Variants in ABCA10 observed in about 807,000 individuals in gnomAD.
ABCA10 encodes the protein ATP binding cassette subfamily A member 10, also known as ATP-binding cassette sub-family A member 10.
Under a neutral mutation model 187.5 loss-of-function variants are expected in ABCA10, and 169 were observed. The observed-to-expected ratio is 0.90, with a 90% CI of 0.80 to 1.02. ABCA10 has a LOEUF of 1.02. Ranked by LOEUF, ABCA10 falls within the 50% of genes least tolerant of loss-of-function variation. ABCA10 has a pLI of 0.00. For missense variants in ABCA10, 1,727 were observed against 1,812.4 expected, an observed-to-expected ratio of 0.95 and a Z score of 0.86; for synonymous variants, 574 against 601.8, an observed-to-expected ratio of 0.95 and a Z score of 0.68.
At chr17:69,223,607 T>A (rs2074768977) in intron 3 of ABCA10, 1 of 397,826 alleles carries the variant, frequency 2.5e-6, no homozygotes, top group African/African-American at 2.2e-5. Flanking sequence ...AAAAGCTGTT[T>A]ATTTTATGCT....
chr17:69,174,077 A>G (rs1180910130), intron 25 of ABCA10, among the ~76,000 whole-genome samples: 1 of 152,154 alleles, frequency 6.6e-6, no homozygotes, highest in Non-Finnish European at 1.5e-5. Context: ...AAGAAACCTC[A>G]AAGAACAAAT....
At chr17:69,172,599 T>C (rs1055201991) in intron 25 of ABCA10, among the ~76,000 whole-genome samples, 1 of 152,060 alleles carries the variant, frequency 6.6e-6, no homozygotes, top group Non-Finnish European at 1.5e-5. Flanking sequence ...TACTTTATTA[T>C]GGCAGCCCTA....
chr17:69,166,528 T>G (rs928562845), intron 25 of ABCA10, among the ~76,000 whole-genome samples: 5 of 152,202 alleles, frequency 3.3e-5, no homozygotes, highest in African/African-American at 1.2e-4. Context: ...TGAAATACTT[T>G]GAAATCTCAC....
At chr17:69,235,954 G>A (rs1029970126) in intron 1 of ABCA10, among the ~76,000 whole-genome samples, 1 of 152,112 alleles carries the variant, frequency 6.6e-6, no homozygotes, top group Non-Finnish European at 1.5e-5. Context: ...CTAGGCAAAA[G>A]AAAACTTCCA....
At chr17:69,194,082 CTTG>C (rs925534986) in intron 12 of ABCA10, 93 bp from the exon 13 acceptor site, 18 of 1,261,358 alleles carry the variant, frequency 1.4e-5, no homozygotes, top group Middle Eastern at 2.6e-4. Context: ...GTTCAAAAAA[CTTG>C]TTTTTATTAA....
chr17:69,213,790 T>C (rs1410488179), intron 9 of ABCA10, among the ~76,000 whole-genome samples: 1 of 152,160 alleles, frequency 6.6e-6, no homozygotes, highest in Admixed American at 6.5e-5. Flanking sequence ...CCCTTCCGAT[T>C]CTGCTCAGGA....
chr17:69,201,954 T>C (rs1487922787), intron 9 of ABCA10, among the ~76,000 whole-genome samples: 1 of 152,194 alleles, frequency 6.6e-6, no homozygotes, highest in Non-Finnish European at 1.5e-5. Context: ...GGCTAACTTT[T>C]GTATTTTTAT....
chr17:69,218,358 G>A (rs1426034550), intron 6 of ABCA10, among the ~76,000 whole-genome samples: 1 of 151,758 alleles, frequency 6.6e-6, no homozygotes, highest in Non-Finnish European at 1.5e-5. Flanking sequence ...TTTGATTTCT[G>A]GCTTTATTGT....
intron 11 of ABCA10, 134 bp from the exon 12 acceptor site, chr17:69,194,629 C>T (rs2074485364): frequency 1.7e-6 from 1 of 573,792 alleles, no homozygotes; most frequent in East Asian, 2.9e-5. Flanking sequence ...TAAAATTATA[C>T]ATTTAATTGT....
rs775340389 is a variant in ABCA10 at position 69,194,406 on chromosome 17, C to G, written c.1324G>C (p.Gly442Arg). The G allele has an allele frequency of 6.2e-7, 1 of 1,612,046 alleles. No individual in the cohort carries two copies. Among genetic ancestry groups the G allele is most frequent in the South Asian group, 1.1e-5 (1 of 90,956 alleles). The part of the protein sequence containing the change: ...GKSTLLNILS[G>R]LSVSTEGSAT... ...TCACCTTCTGTAGAAACAGACAATC[C>G]ACTAAGAATGTTTAGCAGTGTTGAT... Residue 442 changes from glycine to arginine, a missense_variant, in exon 12 of 39, where the codon GGA (glycine) becomes CGA (arginine). Transcript: ENST00000690296.
In ABCA10 at chr17:69,148,950, T is replaced by TA. The variant is rs781271701; in HGVS notation, c.4534-26dup. ...CCTAAGTAAGAGAAAATAAAAAAGA[T>TA]ACAAAAATGTCAGGGTGTGTCTGAA... On this transcript the variant is annotated intron_variant, in intron 38 of 38. Transcript: ENST00000690296. 11 of 1,612,508 alleles carry TA rather than the reference T, an allele frequency of 6.8e-6. No homozygotes were observed. The South Asian group carries it at 1.1e-4, about 16-fold the overall frequency.
chr17:69,160,337 G>A (rs895725930), intron 27 of ABCA10, among the ~76,000 whole-genome samples: 34 of 152,088 alleles, frequency 2.2e-4, no homozygotes, highest in African/African-American at 6.0e-4. Context: ...GGCCGGGCAC[G>A]GTGGCTCACG....
chr17:69,192,934 C>T (rs2074471922), intron 15 of ABCA10, among the ~76,000 whole-genome samples, 176 bp downstream of exon 15: 1 of 152,228 alleles, frequency 6.6e-6, no homozygotes, highest in African/African-American at 2.4e-5. Context: ...TGCCATGTAA[C>T]TTTGCAGGGT....
At chr17:69,220,607 A>G (rs2074740641) in intron 5 of ABCA10, among the ~76,000 whole-genome samples, 1 of 152,212 alleles carries the variant, frequency 6.6e-6, no homozygotes, top group Non-Finnish European at 1.5e-5. Context: ...TATAAGACTC[A>G]GTCACATTTA....
At chr17:69,153,590 G>A (rs1461436684) in intron 32 of ABCA10, 44 bp from the exon 33 acceptor site, 1 of 1,605,334 alleles carries the variant, frequency 6.2e-7, no homozygotes, top group African/African-American at 1.3e-5. Context: ...TATGGCAAAT[G>A]GACCTATCTA....
At chr17:69,180,522 C>T (rs896471217) in intron 22 of ABCA10, among the ~76,000 whole-genome samples, 3 of 151,826 alleles carry the variant, frequency 2.0e-5, no homozygotes, top group African/African-American at 7.3e-5. Context: ...AAGACAACAT[C>T]GATTCTATAT....
chr17:69,177,880 C>T (rs2074345204), intron 22 of ABCA10, among the ~76,000 whole-genome samples: 1 of 140,288 alleles, frequency 7.1e-6, no homozygotes, highest in Admixed American at 7.3e-5. Flanking sequence ...CACTTGAACC[C>T]AGGAGGTGGA....
chr17:69,173,699 T>C (rs1354302404), intron 25 of ABCA10, among the ~76,000 whole-genome samples: 1 of 152,162 alleles, frequency 6.6e-6, no homozygotes, highest in Non-Finnish European at 1.5e-5. Context: ...TTGGACTGTT[T>C]TAATGTTTGA....
intron 34 of ABCA10, among the ~76,000 whole-genome samples, 169 bp from the exon 35 acceptor site, chr17:69,152,650 G>A (rs1225375620): frequency 1.3e-5 from 2 of 152,130 alleles, no homozygotes; most frequent in Non-Finnish European, 2.9e-5. Flanking sequence ...AGCCAGGCAT[G>A]GTGGCACATG....
Sources: allele counts gnomAD v4.1 joint callset (sites outside exome capture counted in the v4.1 genomes callset), GRCh38; gene constraint gnomAD v4.1.1; transcripts MANE v1.5; gene names NCBI Gene and HGNC (gene_info 2026-07-23, HGNC 2026-07-21).